NAPEPLD: variants seen among roughly 807,000 people sequenced by gnomAD.
The protein encoded by NAPEPLD is N-acyl phosphatidylethanolamine phospholipase D.
In NAPEPLD, 23 loss-of-function variants were observed where a neutral mutation model predicts 38.1. That is an observed-to-expected ratio of 0.60 (90% CI 0.43 to 0.86). The LOEUF (loss-of-function observed/expected upper bound fraction) is 0.86, where lower values mean the gene tolerates loss of function less well. NAPEPLD is among the 40% of genes least tolerant of loss of function. NAPEPLD has a pLI of 0.00. For missense variants in NAPEPLD, 411 were observed against 476.8 expected, an observed-to-expected ratio of 0.86 and a Z score of 1.28; for synonymous variants, 147 against 162.0, an observed-to-expected ratio of 0.91 and a Z score of 0.71.
chr7:103,114,511 GCCT>G (rs1246617631), intron 4 of NAPEPLD, among the ~76,000 whole-genome samples: 7 of 152,032 alleles, frequency 4.6e-5, no homozygotes, highest in Non-Finnish European at 1.0e-4. Flanking sequence ...CACACTAGCT[GCCT>G]CCGAGCCTAT....
Position 103,100,938 on chromosome 7 carries a change from A to C in NAPEPLD, c.*2491T>G, listed in dbSNP as rs1344065212. 1 of 152,220 alleles carries C rather than the reference A, an allele frequency of 6.6e-6. No homozygotes were observed. The highest frequency in any genetic ancestry group is 1.9e-4 in the East Asian group (1 of 5,198). The allele number at this position is 152,220 out of a possible 1,614,324, so 9.4% of individuals were successfully genotyped here. On this transcript the variant is annotated 3_prime_UTR_variant, in exon 5 of 5. Transcript: ENST00000465647. Reference sequence around the variant, plus strand: ...ACAGCTTACAAAAGGGCCTAGAAAAATGAGGCAGGCCAGACGAGTGGAAAT... The same window carrying C: ...ACAGCTTACAAAAGGGCCTAGAAAACTGAGGCAGGCCAGACGAGTGGAAAT...
intron 1 of NAPEPLD, among the ~76,000 whole-genome samples, chr7:103,147,098 T>C (rs1465605451): frequency 6.6e-6 from 1 of 152,182 alleles, no homozygotes; most frequent in Non-Finnish European, 1.5e-5. Flanking sequence ...GTTAGTAAAA[T>C]ACTTAAATAC....
chr7:103,139,913 C>CT (rs775430728), intron 1 of NAPEPLD, among the ~76,000 whole-genome samples: 4 of 152,136 alleles, frequency 2.6e-5, no homozygotes, highest in Admixed American at 6.5e-5. Context: ...TTCTAAGGGA[C>CT]TTTAAGATCC....
chr7:103,119,739 A>T lies in NAPEPLD; in HGVS notation c.779T>A (p.Met260Lys), dbSNP rs1406773873. ...GCCCCATAGCACCTTGTTGTCATCC[A>T]TTAGAGTCCTTTTACACCAGTGCTG... ...PSQHWCKRTL[M>K]DDNKVLWGSW... is the part of the protein sequence containing the mutation. Residue 260 changes from methionine to lysine, a missense_variant, in exon 3 of 5, where the codon ATG (methionine) becomes AAG (lysine). By Grantham distance (95) the Met-to-Lys change is moderately conservative. Coordinates refer to ENST00000465647, the MANE Select transcript of NAPEPLD (RefSeq NM_001122838.3). The T allele has an allele frequency of 6.2e-7, 1 of 1,614,086 alleles. No individual in the cohort carries two copies. The highest frequency in any genetic ancestry group is 1.3e-5 in the African/African-American group (1 of 74,938).
At chr7:103,131,178 T>C (rs757965468) in intron 1 of NAPEPLD, among the ~76,000 whole-genome samples, 4 of 152,180 alleles carry the variant, frequency 2.6e-5, no homozygotes, top group Non-Finnish European at 5.9e-5. Context: ...TACATATGTA[T>C]GTATATATAT....
At position 103,119,915 on chromosome 7, in the gene NAPEPLD, CTCAT is replaced by C; in HGVS notation, c.599_602del (p.Asn200SerfsTer7). ...ACCATCTCAACTCATTACCAAATCGCTCATTCAAAGCAATGACAGAATTGTAGTC... is the reference window on the plus strand; with the variant it reads ...ACCATCTCAACTCATTACCAAATCGCTCAAAGCAATGACAGAATTGTAGTC... On this transcript the variant is annotated frameshift_variant, in exon 3 of 5. Coordinates refer to ENST00000465647, the MANE Select transcript of NAPEPLD (RefSeq NM_001122838.3). LOFTEE classifies it high-confidence loss of function. 2 of 1,614,202 alleles carry C rather than the reference CTCAT, an allele frequency of 1.2e-6. No homozygotes were observed. The highest frequency in any genetic ancestry group is 1.1e-5 in the South Asian group (1 of 91,090).
chr7:103,105,955 AAAGG>A (rs1201133743), intron 4 of NAPEPLD, among the ~76,000 whole-genome samples: 1 of 151,364 alleles, frequency 6.6e-6, no homozygotes, highest in Non-Finnish European at 1.5e-5. Context: ...AAAAAAAAAA[AAAGG>A]CTGAAGAGGA....
chr7:103,101,644 G>A lies in NAPEPLD; in HGVS notation c.*1785C>T, dbSNP rs558667275. Reference sequence around the variant, plus strand: ...TCATTTAATCTACACATTTTTCAGAGGTAGGTCGGAATTATCCTCTTGTTG... The same window carrying A: ...TCATTTAATCTACACATTTTTCAGAAGTAGGTCGGAATTATCCTCTTGTTG... On this transcript the variant is annotated 3_prime_UTR_variant, in exon 5 of 5. Transcript: ENST00000465647. The A allele has an allele frequency of 1.3e-5, 2 of 152,612 alleles. No individual in the cohort carries two copies. Among genetic ancestry groups the A allele is most frequent in the East Asian group, 3.9e-4 (2 of 5,182 alleles). The allele number at this position is 152,612 out of a possible 1,614,324, so 9.5% of individuals were successfully genotyped here.
intron 4 of NAPEPLD, among the ~76,000 whole-genome samples, chr7:103,106,081 A>G (rs1803272075): frequency 6.6e-6 from 1 of 152,122 alleles, no homozygotes; most frequent in South Asian, 2.1e-4. Context: ...CAGTGGGTGC[A>G]GCCCACGGAG....
chr7:103,116,124 C>T (rs1386707928), intron 3 of NAPEPLD, among the ~76,000 whole-genome samples: 2 of 151,860 alleles, frequency 1.3e-5, no homozygotes, highest in East Asian at 1.9e-4. Context: ...TGCAGTGCCG[C>T]GATCCCAGCT....
intron 4 of NAPEPLD, among the ~76,000 whole-genome samples, chr7:103,114,801 A>T (rs567246976): frequency 6.6e-6 from 1 of 152,338 alleles, no homozygotes; most frequent in Admixed American, 6.5e-5. Flanking sequence ...ATTTTTGGTT[A>T]TACAAATACA....
At chr7:103,143,076 A>AC (rs67243416) in intron 1 of NAPEPLD, among the ~76,000 whole-genome samples, 9,195 of 41,554 alleles carry the variant, frequency 0.22, 491 homozygotes, top group East Asian at 0.56. Flanking sequence ...AAAAAACAAA[A>AC]AAACAAAAAA....
chr7:103,129,278 G>C, intron 1 of NAPEPLD: 1 of 978,534 alleles, frequency 1.0e-6, no homozygotes, highest in Non-Finnish European at 1.2e-6. Flanking sequence ...AAGGATGTTT[G>C]CTTTACCTAT....
intron 2 of NAPEPLD, among the ~76,000 whole-genome samples, chr7:103,124,305 A>C (rs1279446572): frequency 1.3e-5 from 2 of 152,116 alleles, no homozygotes; most frequent in Non-Finnish European, 2.9e-5. Context: ...CTAAAAATAC[A>C]AAATTAGCCA....
intron 1 of NAPEPLD, among the ~76,000 whole-genome samples, chr7:103,135,007 C>T (rs759039611): frequency 2.6e-5 from 4 of 152,166 alleles, no homozygotes; most frequent in Non-Finnish European, 5.9e-5. Flanking sequence ...ACTGCTTTAT[C>T]ATGTAAACAG....
At chr7:103,113,179 T>C (rs1804870177) in intron 4 of NAPEPLD, among the ~76,000 whole-genome samples, 1 of 152,222 alleles carries the variant, frequency 6.6e-6, no homozygotes, top group South Asian at 2.1e-4. Flanking sequence ...CGCACACATA[T>C]ATAGATGGAA....
chr7:103,143,827 A>C (rs190809212), intron 1 of NAPEPLD, among the ~76,000 whole-genome samples: 1 of 152,352 alleles, frequency 6.6e-6, no homozygotes, highest in East Asian at 1.9e-4. Flanking sequence ...CTATAAAAAC[A>C]CCAATGGTAA....
intron 2 of NAPEPLD, among the ~76,000 whole-genome samples, chr7:103,122,131 G>GTA: frequency 6.6e-6 from 1 of 150,560 alleles, no homozygotes; most frequent in Admixed American, 6.6e-5. Flanking sequence ...GAGACAGGGT[G>GTA]GGTTTTACCA....
Position 103,147,953 on chromosome 7 carries a change from AC to A in NAPEPLD, c.-17+857del, listed in dbSNP as rs1467524551. 4.1e-6 allele frequency: 4 copies of A among 973,644 alleles called. No individual in the cohort carries two copies. The African/African-American group carries it at 7.0e-5, about 17-fold the overall frequency. The allele number at this position is 973,644 out of a possible 1,614,324, so 60.3% of individuals were successfully genotyped here. A position where few individuals can be genotyped will look rare whatever the true frequency, so the allele number is the denominator to read the frequency against. ...CCTTAAATTATTATTTTAAATAAGTACTTTTACCCTAAATTTCTTCTTTAAC... is the reference window on the plus strand; with the variant it reads ...CCTTAAATTATTATTTTAAATAAGTATTTTACCCTAAATTTCTTCTTTAAC... On this transcript the variant is annotated intron_variant, in intron 1 of 4. Coordinates refer to ENST00000465647, the MANE Select transcript of NAPEPLD (RefSeq NM_001122838.3).
Sources: allele counts gnomAD v4.1 joint callset (sites outside exome capture counted in the v4.1 genomes callset), GRCh38; gene constraint gnomAD v4.1.1; transcripts MANE v1.5; gene names NCBI Gene and HGNC (gene_info 2026-07-23, HGNC 2026-07-21).